The following SEC31A variants were observed in gnomAD, a reference collection of about 807,000 sequenced individuals.
SEC31A encodes the protein SEC31 homolog A, COPII component.
In SEC31A, 70 loss-of-function variants were observed where a neutral mutation model predicts 151.0. The observed-to-expected ratio is 0.46, with a 90% CI of 0.38 to 0.57. The LOEUF (loss-of-function observed/expected upper bound fraction) is 0.57. Among genes scored for constraint, SEC31A ranks in the 20% least tolerant of loss-of-function variants. SEC31A has a pLI of 0.00. For synonymous variants in SEC31A, 475 were observed against 505.9 expected (o/e 0.94, Z 0.82); for missense variants, 1,330 against 1,471.2 (o/e 0.90, Z 1.57).
Position 82,844,445 on chromosome 4 carries a change from T to G in SEC31A, c.2567A>C (p.Gln856Pro), listed in dbSNP as rs148483526. The change falls in exon 21 of 27, where the codon CAG becomes CCG. Residue 856 changes from glutamine (Q) to proline (P), a missense_variant. Physicochemically the swap from Gln to Pro is moderately conservative, Grantham distance 76. Transcript: ENST00000395310. ...CATATGACCTGGAGATGTGGGAAGC[T>G]GACCAGCAGCATTTGGATTAACATT... ...HGNVNPNAAG[Q>P]LPTSPGHMHT... 282 of 1,614,012 alleles carry G rather than the reference T, an allele frequency of 1.7e-4. 1 individual carries two copies. In the African/African-American group the frequency reaches 3.2e-3, roughly 18 times the overall value.
chr4:82,841,769 C>T (rs112901234), intron 22 of SEC31A, among the ~76,000 whole-genome samples: 14 of 151,420 alleles, frequency 9.2e-5, no homozygotes, highest in Admixed American at 2.6e-4. Context: ...GTCAGGAGTT[C>T]GAGACCAGCC....
At chr4:82,875,349 G>A (rs949320532) in intron 5 of SEC31A, among the ~76,000 whole-genome samples, 2 of 152,100 alleles carry the variant, frequency 1.3e-5, no homozygotes, top group African/African-American at 4.8e-5. Context: ...TGTCTTCCAT[G>A]GTCTTGTCTA....
intron 20 of SEC31A, chr4:82,845,267 G>A: frequency 6.5e-7 from 1 of 1,532,530 alleles, no homozygotes; most frequent in Non-Finnish European, 8.7e-7. Context: ...TGTTACTCCA[G>A]GTAGTGACAG....
intron 8 of SEC31A, among the ~76,000 whole-genome samples, chr4:82,869,814 A>C (rs1040956806): frequency 3.9e-5 from 6 of 152,210 alleles, no homozygotes; most frequent in Non-Finnish European, 8.8e-5. Context: ...GCATTCCATC[A>C]AACTACATAA....
chr4:82,856,834 T>C, intron 16 of SEC31A, 118 bp downstream of exon 16: 1 of 840,858 alleles, frequency 1.2e-6, no homozygotes, highest in South Asian at 2.1e-5. Flanking sequence ...CAAGGAATTA[T>C]GAATGAGCTT....
chr4:82,876,513 T>C (rs373553743), intron 4 of SEC31A, among the ~76,000 whole-genome samples: 1 of 152,232 alleles, frequency 6.6e-6, no homozygotes, highest in South Asian at 2.1e-4. Context: ...TCATCAATTA[T>C]TGCTTTCAGA....
intron 19 of SEC31A, among the ~76,000 whole-genome samples, chr4:82,849,974 G>C (rs150360776): frequency 2.4e-3 from 360 of 152,038 alleles, no homozygotes; most frequent in Non-Finnish European, 4.3e-3. Flanking sequence ...TTGCCTTTTG[G>C]GGGGGAGAAT....
chr4:82,853,440 T>G, intron 18 of SEC31A, 130 bp downstream of exon 18: 1 of 748,960 alleles, frequency 1.3e-6, no homozygotes, highest in Non-Finnish European at 2.0e-6. Context: ...TAGCAATAAA[T>G]GCATATAATT....
chr4:82,890,971 G>A (rs1406291682), intron 1 of SEC31A, 117 bp downstream of exon 1: 19 of 1,467,890 alleles, frequency 1.3e-5, no homozygotes, highest in Admixed American at 4.5e-5. Context: ...ACCAGAGACC[G>A]GGCCTCAGGC....
intron 17 of SEC31A, among the ~76,000 whole-genome samples, 190 bp downstream of exon 17, chr4:82,854,713 A>T (rs1426361115): frequency 4.2e-5 from 2 of 47,252 alleles, no homozygotes; most frequent in East Asian, 3.6e-4. Context: ...TAGTAGATTT[A>T]AAAAAAAAAA....
intron 11 of SEC31A, among the ~76,000 whole-genome samples, chr4:82,864,134 T>C (rs1360440019): frequency 6.6e-6 from 1 of 152,174 alleles, no homozygotes; most frequent in African/African-American, 2.4e-5. Flanking sequence ...TATTATTTTT[T>C]TTTACTTATT....
Position 82,853,572 on chromosome 4 carries a change from G to A in SEC31A, c.2152C>T (p.Gln718Ter). 1 of 1,572,062 alleles carries A rather than the reference G, an allele frequency of 6.4e-7. No homozygotes were observed. Reference protein sequence around the residue: ...AQDGSHPLSLQDLIEKVVILR... With the variant: ...AQDGSHPLSL ...GCCTTTTGTTTCAAAGATACTACCTGAAGTGACAAAGGGTGGCTTCCATCT... is the reference window on the plus strand; with the variant it reads ...GCCTTTTGTTTCAAAGATACTACCTAAAGTGACAAAGGGTGGCTTCCATCT... The change falls in exon 18 of 27, where the codon CAG (glutamine) becomes TAG (stop). Residue 718 changes from glutamine to a stop codon, truncating the protein, a stop_gained and splice_region_variant. Transcript: ENST00000395310. LOFTEE classifies it high-confidence loss of function.
At chr4:82,851,187 C>G (rs1731370727) in intron 19 of SEC31A, among the ~76,000 whole-genome samples, 1 of 152,106 alleles carries the variant, frequency 6.6e-6, no homozygotes, top group South Asian at 2.1e-4. Context: ...GTTCATTTTC[C>G]TAAAATACTA....
At chr4:82,867,816 AG>A (rs1348095274) in intron 8 of SEC31A, among the ~76,000 whole-genome samples, 5 of 152,110 alleles carry the variant, frequency 3.3e-5, no homozygotes, top group African/African-American at 1.2e-4. Context: ...CATTTTTAAT[AG>A]AGATGGCGTT....
chr4:82,823,880 G>A (rs1332571796), intron 25 of SEC31A, among the ~76,000 whole-genome samples: 2 of 152,196 alleles, frequency 1.3e-5, no homozygotes, highest in African/African-American at 4.8e-5. Flanking sequence ...TTTTGTTGAT[G>A]AGAGGCAGTA....
In SEC31A at chr4:82,821,061, C is replaced by A. The variant is rs184276133; in HGVS notation, c.3459G>T (p.Leu1153=). 81 of 1,613,974 alleles carry A rather than the reference C, an allele frequency of 5.0e-5. No individual in the cohort carries two copies. In the Admixed American group the frequency reaches 1.3e-3, roughly 27 times the overall value. ...CTGTCTGTTCCCTAAGTTTATCATACAGAAACTCCAAACGTTTGCTGGCAT... is the reference window on the plus strand; with the variant it reads ...CTGTCTGTTCCCTAAGTTTATCATAAAGAAACTCCAAACGTTTGCTGGCAT... ...LDDASKRLEF[L]YDKLREQTLS... The change falls in exon 26 of 27, where the codon CTG becomes CTT. Residue 1153 remains leucine, a synonymous_variant. Transcript: ENST00000395310.
intron 20 of SEC31A, among the ~76,000 whole-genome samples, chr4:82,846,756 T>G (rs1203044748): frequency 2.6e-5 from 4 of 152,108 alleles, no homozygotes; most frequent in Non-Finnish European, 5.9e-5. Context: ...CTCTTGTTGT[T>G]CAGGCTGGAG....
Position 82,831,027 on chromosome 4 carries a change from A to G in SEC31A, c.2969-1969T>C. ...AACAGTGTTTACTGAAGACATTCTA[A>G]ACTTTACTCATTTTATAATTGTTTC... On this transcript the variant is annotated intron_variant, in intron 22 of 26. Coordinates refer to ENST00000395310, the MANE Select transcript of SEC31A (RefSeq NM_001077207.4). 4 of 708,122 alleles carry G rather than the reference A, an allele frequency of 5.6e-6. No homozygotes were observed. The South Asian group carries it at 1.0e-4, about 19-fold the overall frequency. The allele number at this position is 708,122 out of a possible 1,614,324, so 43.9% of individuals were successfully genotyped here.
chr4:82,860,734 C>T (rs111744842), intron 14 of SEC31A, among the ~76,000 whole-genome samples: 3,240 of 152,190 alleles, frequency 0.021, 124 homozygotes, highest in African/African-American at 0.074. Flanking sequence ...CTTGGCCTCC[C>T]AAAGTGCTGG....
Sources: allele counts gnomAD v4.1 joint callset (sites outside exome capture counted in the v4.1 genomes callset), GRCh38; gene constraint gnomAD v4.1.1; transcripts MANE v1.5; gene names NCBI Gene and HGNC (gene_info 2026-07-23, HGNC 2026-07-21).